Variants in LY75 observed in about 807,000 individuals in gnomAD.
The protein encoded by LY75 is lymphocyte antigen 75, also known as C-type lectin domain family 13 member B.
A neutral mutation model predicts 231.7 loss-of-function variants in LY75; 185 were observed. That is an observed-to-expected ratio of 0.80 (90% CI 0.71 to 0.90). LY75 has a LOEUF of 0.90. Ranked by LOEUF, LY75 falls within the 40% of genes least tolerant of loss-of-function variation. The pLI, the probability that LY75 is intolerant of heterozygous loss-of-function variation, is 0.00. For synonymous variants in LY75, 668 were observed against 689.0 expected (o/e 0.97, Z 0.48); for missense variants, 1,947 against 2,050.2 (o/e 0.95, Z 0.97).
chr2:159,895,093 A>T (rs1228120059), intron 2 of LY75, among the ~76,000 whole-genome samples: 2 of 152,234 alleles, frequency 1.3e-5, no homozygotes, highest in Non-Finnish European at 2.9e-5. Context: ...AGATTTGCTT[A>T]AAAGTGTGCT....
intron 25 of LY75, among the ~76,000 whole-genome samples, chr2:159,836,290 G>C (rs1251080930): frequency 6.6e-6 from 1 of 152,310 alleles, no homozygotes; most frequent in South Asian, 2.1e-4. Flanking sequence ...GGCACACAGA[G>C]AGCTGGTGGT....
intron 23 of LY75, among the ~76,000 whole-genome samples, chr2:159,843,285 T>G (rs2125848627): frequency 6.6e-6 from 1 of 152,198 alleles, no homozygotes; most frequent in South Asian, 2.1e-4. Flanking sequence ...TTTGTAAAAA[T>G]GTAAATAATG....
At chr2:159,872,659 C>G in intron 12 of LY75, 66 bp from the exon 13 acceptor site, 1 of 1,545,712 alleles carries the variant, frequency 6.5e-7, no homozygotes, top group South Asian at 1.2e-5. Flanking sequence ...GTGCTAAAGT[C>G]AATTACTGTC....
At chr2:159,805,543 C>T (rs1186840186) in intron 34 of LY75, among the ~76,000 whole-genome samples, 2 of 152,196 alleles carry the variant, frequency 1.3e-5, no homozygotes, top group African/African-American at 2.4e-5. Context: ...GGGAACATCA[C>T]TACTTGTATA....
intron 13 of LY75, among the ~76,000 whole-genome samples, chr2:159,866,661 A>C (rs1453661543): frequency 6.6e-6 from 1 of 152,184 alleles, no homozygotes; most frequent in Non-Finnish European, 1.5e-5. Flanking sequence ...ATTGGCATAC[A>C]CAGCACAATT....
chr2:159,853,895 G>A (rs1168951635), intron 18 of LY75, among the ~76,000 whole-genome samples, 198 bp from the exon 19 acceptor site: 2 of 152,126 alleles, frequency 1.3e-5, no homozygotes, highest in Non-Finnish European at 1.5e-5. Context: ...ATCCTATTGT[G>A]GGTACAGGAA....
At chr2:159,850,799 T>TATATATA (rs1491206351) in intron 21 of LY75, among the ~76,000 whole-genome samples, 1 of 105,382 alleles carries the variant, frequency 9.5e-6, no homozygotes. Flanking sequence ...TATATATATA[T>TATATATA]TATATCTTAT....
intron 25 of LY75, among the ~76,000 whole-genome samples, chr2:159,837,150 A>G (rs375646455): frequency 2.0e-4 from 31 of 152,316 alleles, no homozygotes; most frequent in South Asian, 1.7e-3. Context: ...GTATATACCC[A>G]GAGGAAAACA....
At chr2:159,894,897 C>G (rs1306267597) in intron 2 of LY75, among the ~76,000 whole-genome samples, 1 of 152,220 alleles carries the variant, frequency 6.6e-6, no homozygotes, top group East Asian at 1.9e-4. Flanking sequence ...AATACTAATT[C>G]TCTTGGAAAG....
intron 10 of LY75, 31 bp from the exon 11 acceptor site, chr2:159,878,524 T>C (rs372466023): frequency 2.0e-5 from 32 of 1,612,960 alleles, no homozygotes; most frequent in Non-Finnish European, 2.6e-5. Context: ...TGGCAAGTGT[T>C]TCACAATGAT....
chr2:159,828,054 A>G (rs1013974046), intron 28 of LY75, among the ~76,000 whole-genome samples: 3 of 151,958 alleles, frequency 2.0e-5, no homozygotes, highest in Non-Finnish European at 4.4e-5. Flanking sequence ...GTGTATACCT[A>G]TGTAACAAAA....
intron 16 of LY75, among the ~76,000 whole-genome samples, chr2:159,857,116 T>C (rs887970022): frequency 3.3e-5 from 5 of 152,188 alleles, no homozygotes; most frequent in African/African-American, 1.2e-4. Context: ...CTTTTTTGGG[T>C]TTAATAAAAT....
intron 13 of LY75, among the ~76,000 whole-genome samples, chr2:159,865,368 C>T (rs920816132): frequency 1.3e-5 from 2 of 152,080 alleles, no homozygotes; most frequent in African/African-American, 4.8e-5. Context: ...CTACTATCCA[C>T]TAAGTTTAAA....
At chr2:159,893,646 C>T (rs1324315938) in intron 3 of LY75, among the ~76,000 whole-genome samples, 1 of 152,130 alleles carries the variant, frequency 6.6e-6, no homozygotes, top group African/African-American at 2.4e-5. Context: ...ATTGTGCATG[C>T]CTTTTCCACA....
chr2:159,815,139 T>C (rs1276237069), intron 31 of LY75, among the ~76,000 whole-genome samples: 1 of 152,004 alleles, frequency 6.6e-6, no homozygotes, highest in Non-Finnish European at 1.5e-5. Flanking sequence ...TAGCTGGGAC[T>C]ACAGGCGCCC....
intron 16 of LY75, among the ~76,000 whole-genome samples, chr2:159,858,076 T>G (rs1684597360): frequency 6.6e-6 from 1 of 152,218 alleles, no homozygotes; most frequent in Admixed American, 6.5e-5. Context: ...TCCTTTTGCT[T>G]AAAATAATAT....
Position 159,886,406 on chromosome 2 carries a change from G to A in LY75, c.913+14C>T. 6.2e-7 allele frequency: 1 copy of A among 1,603,900 alleles called. No individual in the cohort carries two copies. Among genetic ancestry groups the A allele is most frequent in the Non-Finnish European group, 8.5e-7 (1 of 1,174,644 alleles). On this transcript the variant is annotated intron_variant, in intron 5 of 34. Transcript: ENST00000263636. Reference sequence around the variant, plus strand: ...ATTTGTTCTGTGCAGAGGGGGTAGGGAAAGAGCAGTTACCTGGATCCCAGT... The same window carrying A: ...ATTTGTTCTGTGCAGAGGGGGTAGGAAAAGAGCAGTTACCTGGATCCCAGT...
At chr2:159,867,263 T>C (rs1249859355) in intron 13 of LY75, among the ~76,000 whole-genome samples, 9 of 152,142 alleles carry the variant, frequency 5.9e-5, no homozygotes, top group African/African-American at 1.7e-4. Flanking sequence ...AATAGCGACA[T>C]GTATGTATTT....
intron 31 of LY75, among the ~76,000 whole-genome samples, chr2:159,811,119 C>T (rs1682947018): frequency 6.6e-6 from 1 of 151,874 alleles, no homozygotes; most frequent in African/African-American, 2.4e-5. Flanking sequence ...AAGTGATTTG[C>T]CTGCCTCAGG....
Sources: gnomAD v4.1 joint callset for allele counts (sites outside exome capture counted in the v4.1 genomes callset) on GRCh38, gnomAD v4.1.1 for gene constraint, MANE v1.5 for transcripts, NCBI Gene and HGNC (gene_info 2026-07-23, HGNC 2026-07-21) for gene names.